The following CABIN1 variants were observed in gnomAD, a reference collection of about 807,000 sequenced individuals.
CABIN1 encodes calcineurin binding protein 1, also known as calcineurin-binding protein cabin-1.
Under a neutral mutation model 227.7 loss-of-function variants are expected in CABIN1, and 133 were observed. The ratio of observed to expected loss-of-function variants is 0.58; its 90% CI spans 0.51 to 0.67. The LOEUF (loss-of-function observed/expected upper bound fraction) is 0.67, where lower values mean the gene tolerates loss of function less well. Ranked by LOEUF, CABIN1 falls within the 30% of genes least tolerant of loss-of-function variation. The pLI is 0.00. For synonymous variants in CABIN1, 1,086 were observed against 1,155.1 expected (o/e 0.94, Z 1.21); for missense variants, 2,408 against 2,852.5 (o/e 0.84, Z 3.55).
chr22:24,014,242 T>C (rs1007806922), intron 1 of CABIN1, among the ~76,000 whole-genome samples: 3 of 152,220 alleles, frequency 2.0e-5, no homozygotes, highest in East Asian at 3.8e-4. Context: ...AGAACTACCC[T>C]CTCTCTCTTT....
chr22:24,123,723 A>T (rs760985826), intron 28 of CABIN1, among the ~76,000 whole-genome samples: 4 of 152,216 alleles, frequency 2.6e-5, no homozygotes, highest in Non-Finnish European at 5.9e-5. Flanking sequence ...ATGTGGAACC[A>T]TTAACTGGGA....
At position 24,084,778 on chromosome 22, in the gene CABIN1, C is replaced by T; in HGVS notation, c.3110C>T (p.Ser1037Leu). The T allele has an allele frequency of 6.2e-7, 1 of 1,614,192 alleles. No individual in the cohort carries two copies. Among genetic ancestry groups the T allele is most frequent in the Non-Finnish European group, 8.5e-7 (1 of 1,180,004 alleles). Residue 1037 changes from serine to leucine, a missense_variant, in exon 21 of 37, where the codon TCA becomes TTA. By Grantham distance (145) the Ser-to-Leu change is moderately radical. Around this residue, in one of 3 missense-constraint regions of CABIN1, gnomAD observed 649 missense variants for 910.3 expected, o/e 0.71. Transcript: ENST00000263119. ...GTCTCTGCCTACATTGAGGGAACTT[C>T]AACTGAGGTGGGCCCACAACCTTGA... ...DKVSAYIEGT[S>L]TEVPCLPEGA...
At chr22:24,119,165 C>G (rs967466011) in intron 27 of CABIN1, among the ~76,000 whole-genome samples, 18 of 152,230 alleles carry the variant, frequency 1.2e-4, no homozygotes, top group Non-Finnish European at 2.6e-4. Flanking sequence ...CAGCCTGTTT[C>G]ATGGAGCGGG....
At chr22:24,090,041 T>C (rs928347635) in intron 23 of CABIN1, among the ~76,000 whole-genome samples, 3 of 152,214 alleles carry the variant, frequency 2.0e-5, no homozygotes, top group African/African-American at 7.2e-5. Flanking sequence ...GGTAGTGAGA[T>C]GGTGTCTAGT....
At position 24,177,463 on chromosome 22, in the gene CABIN1, T is replaced by C; in HGVS notation, c.6206-41T>C. 1 of 1,483,384 alleles carries C rather than the reference T, an allele frequency of 6.7e-7. No individual in the cohort carries two copies. The highest frequency in any genetic ancestry group is 9.0e-7 in the Non-Finnish European group (1 of 1,108,526). The allele number at this position is 1,483,384 out of a possible 1,614,324, so 91.9% of individuals were successfully genotyped here. A position where few individuals can be genotyped will look rare whatever the true frequency, so the allele number is the denominator to read the frequency against. On this transcript the variant is annotated intron_variant, in intron 35 of 36. Coordinates refer to ENST00000263119, the MANE Select transcript of CABIN1 (RefSeq NM_012295.4). The surrounding 1 kb of genome is among the most constrained non-coding windows in gnomAD (Gnocchi z 4.4). ...GCGAGATAAAGTGCTCACTGTGTGATGCGGCAGGCAGGAAGTGCTCTTGGT... is the reference window on the plus strand; with the variant it reads ...GCGAGATAAAGTGCTCACTGTGTGACGCGGCAGGCAGGAAGTGCTCTTGGT...
intron 1 of CABIN1, among the ~76,000 whole-genome samples, chr22:24,032,722 T>G (rs998961578): frequency 6.6e-6 from 1 of 152,194 alleles, no homozygotes; most frequent in African/African-American, 2.4e-5. Context: ...CTACTTTTTT[T>G]CATATTGTAT....
At chr22:24,133,698 G>A (rs1044323631) in intron 28 of CABIN1, among the ~76,000 whole-genome samples, 8 of 152,174 alleles carry the variant, frequency 5.3e-5, no homozygotes, top group Non-Finnish European at 1.0e-4. Flanking sequence ...GGAGTGGCTG[G>A]CCAGGCAGCT....
At chr22:24,084,861 C>T (rs1443208727) in intron 21 of CABIN1, 76 bp downstream of exon 21, 1 of 1,569,076 alleles carries the variant, frequency 6.4e-7, no homozygotes, top group Non-Finnish European at 8.8e-7. Context: ...TGTATATGCT[C>T]CTTTGCTTCT....
At chr22:24,083,171 A>G (rs2040924184) in intron 19 of CABIN1, 57 bp from the exon 20 acceptor site, 2 of 1,566,574 alleles carry the variant, frequency 1.3e-6, no homozygotes, top group South Asian at 1.1e-5. Flanking sequence ...CCCTGCTGTG[A>G]CAGGGAGGCA....
chr22:24,175,982 C>T, intron 34 of CABIN1, 129 bp from the exon 35 acceptor site: 2 of 1,105,648 alleles, frequency 1.8e-6, no homozygotes, highest in Non-Finnish European at 2.7e-6. Context: ...AGCCAGGACC[C>T]CAGCATTGGC....
At chr22:24,138,847 C>G (rs1464710257) in intron 29 of CABIN1, among the ~76,000 whole-genome samples, 1 of 152,196 alleles carries the variant, frequency 6.6e-6, no homozygotes, top group Non-Finnish European at 1.5e-5. Context: ...CCCAACAAGG[C>G]CTGTCTGTTC....
chr22:24,156,791 T>C (rs2045854545), intron 29 of CABIN1, among the ~76,000 whole-genome samples: 1 of 151,966 alleles, frequency 6.6e-6, no homozygotes, highest in South Asian at 2.1e-4. Context: ...ACATAGAGCC[T>C]ACAGCAGAGT....
At chr22:24,049,034 A>G in intron 6 of CABIN1, 57 bp from the exon 7 acceptor site, 1 of 1,604,388 alleles carries the variant, frequency 6.2e-7, no homozygotes, top group Non-Finnish European at 8.5e-7. Context: ...TTAACTGGCA[A>G]GGCCAGAGCT....
rs540755846 is a variant in CABIN1 at position 24,026,469 on chromosome 22, C to A, written c.-74-8975C>A. Among the ~76,000 whole-genome samples, 4 of 152,134 alleles carry A rather than the reference C, an allele frequency of 2.6e-5. No homozygotes were observed. The South Asian group carries it at 8.3e-4, about 32-fold the overall frequency. On this transcript the variant is annotated intron_variant, in intron 1 of 36. Transcript: ENST00000263119. ...TTGTGTTGTCTGAAGGCTTGTCTAA[C>A]CCTAGGTTTCAAGGATTTTCTCCTG...
At chr22:24,126,155 T>C (rs2043710938) in intron 28 of CABIN1, among the ~76,000 whole-genome samples, 1 of 152,216 alleles carries the variant, frequency 6.6e-6, no homozygotes, top group African/African-American at 2.4e-5. Context: ...TCTCTGCAGG[T>C]TCACTCATTC....
At chr22:24,088,636 A>G (rs568811639) in intron 23 of CABIN1, among the ~76,000 whole-genome samples, 8 of 152,130 alleles carry the variant, frequency 5.3e-5, no homozygotes, top group African/African-American at 1.4e-4. Context: ...TAAATCTTAC[A>G]AGGGACACAG....
chr22:24,039,140 G>A (rs1387268445), intron 4 of CABIN1, among the ~76,000 whole-genome samples: 1 of 152,176 alleles, frequency 6.6e-6, no homozygotes, highest in Non-Finnish European at 1.5e-5. Context: ...ATTTCATTAG[G>A]AGGAAAGGCG....
chr22:24,055,635 AT>A (rs2038735729), intron 9 of CABIN1, among the ~76,000 whole-genome samples: 1 of 152,224 alleles, frequency 6.6e-6, no homozygotes, highest in African/African-American at 2.4e-5. Context: ...GTTGTCAAAA[AT>A]TTTTGACAAA....
At chr22:24,121,202 T>C (rs1052803954) in intron 28 of CABIN1, among the ~76,000 whole-genome samples, 1 of 152,186 alleles carries the variant, frequency 6.6e-6, no homozygotes, top group Non-Finnish European at 1.5e-5. Flanking sequence ...AGAACCAGAA[T>C]GGACAGTTGG....
Sources: gnomAD v4.1 joint callset for allele counts (sites outside exome capture counted in the v4.1 genomes callset) on GRCh38, gnomAD v4.1.1 for gene constraint, gnomAD v4.1.1 regional missense constraint, Gnocchi (gnomAD v3.1) non-coding constraint, MANE v1.5 for transcripts, NCBI Gene and HGNC (gene_info 2026-07-23, HGNC 2026-07-21) for gene names.